EHBP1: variants seen among roughly 807,000 people sequenced by gnomAD.
EHBP1 encodes the protein EH domain-binding protein 1.
In EHBP1, 55 loss-of-function variants were observed where a neutral mutation model predicts 144.0. The observed-to-expected ratio is 0.38, with a 90% CI of 0.31 to 0.48. The LOEUF (loss-of-function observed/expected upper bound fraction) is 0.48, where lower values mean the gene tolerates loss of function less well. EHBP1 is among the 20% of genes least tolerant of loss of function. EHBP1 has a pLI of 0.98. For missense variants in EHBP1, 1,200 were observed against 1,364.2 expected, an observed-to-expected ratio of 0.88 and a Z score of 1.90; for synonymous variants, 469 against 472.7, an observed-to-expected ratio of 0.99 and a Z score of 0.10.
rs193142843 is a variant in EHBP1, at chr2:63,031,577, G to A, written c.3104-5958G>A. Among the ~76,000 whole-genome samples the A allele has an allele frequency of 5.1e-3, 778 of 152,196 alleles. 2 individuals are homozygous for A. Among genetic ancestry groups the A allele is most frequent in the Admixed American group, 8.6e-3 (131 of 15,294 alleles). On this transcript the variant is annotated intron_variant, in intron 19 of 22. Transcript: ENST00000431489. ...GAAATGTGAGTCATTTACCTTTAAA[G>A]GCTCTTAGCAATAAAAAGTTATGGA... is the stretch of plus-strand genomic sequence containing the variant.
chr2:62,951,449 A>C (rs2057375624), intron 13 of EHBP1, among the ~76,000 whole-genome samples: 1 of 151,366 alleles, frequency 6.6e-6, no homozygotes, highest in Non-Finnish European at 1.5e-5. Flanking sequence ...GTAGATAATC[A>C]ATAAACATCT....
At chr2:62,963,232 C>G (rs1291026108) in intron 14 of EHBP1, among the ~76,000 whole-genome samples, 2 of 152,042 alleles carry the variant, frequency 1.3e-5, no homozygotes, top group Admixed American at 6.6e-5. Context: ...CAAATTAAAC[C>G]TTTGACGGGT....
intron 5 of EHBP1, among the ~76,000 whole-genome samples, chr2:62,779,694 G>A (rs1423928454): frequency 2.6e-5 from 4 of 151,884 alleles, no homozygotes; most frequent in South Asian, 2.1e-4. Flanking sequence ...TAAATATTTC[G>A]GAAATTTGAA....
At chr2:62,979,436 A>G in intron 15 of EHBP1, 101 bp downstream of exon 15, 10 of 1,299,870 alleles carry the variant, frequency 7.7e-6, no homozygotes, top group South Asian at 3.3e-5. Flanking sequence ...CTTCAAAAAT[A>G]TAAAGCTTCT....
At position 62,874,524 on chromosome 2, in the gene EHBP1, T is replaced by G; in HGVS notation, c.1177T>G (p.Ser393Ala). Reference protein sequence around the residue: ...TVSAGKDLSTSPKPSPIPSPV... With the variant: ...TVSAGKDLSTAPKPSPIPSPV... Reference sequence around the variant, plus strand: ...TTCTGCAGGAAAAGATCTCTCTACTTCTCCTAAGGTAGGATTTTATTCATA... The same window carrying G: ...TTCTGCAGGAAAAGATCTCTCTACTGCTCCTAAGGTAGGATTTTATTCATA... Residue 393 changes from serine (S) to alanine (A), a missense_variant, in exon 10 of 23, where the codon TCT becomes GCT. Ser to Ala is a moderately conservative substitution (Grantham distance 99). Coordinates refer to ENST00000431489, the MANE Select transcript of EHBP1 (RefSeq NM_001142616.3). 1.3e-6 allele frequency: 2 copies of G among 1,595,188 alleles called. No homozygotes were observed. The highest frequency in any genetic ancestry group is 1.7e-6 in the Non-Finnish European group (2 of 1,172,084).
intron 5 of EHBP1, among the ~76,000 whole-genome samples, chr2:62,808,372 G>T (rs1317885238): frequency 6.6e-6 from 1 of 151,596 alleles, no homozygotes; most frequent in Non-Finnish European, 1.5e-5. Flanking sequence ...CTGTTCTTGA[G>T]ATCAGAGACT....
chr2:62,735,227 A>C (rs1185510045), intron 2 of EHBP1, among the ~76,000 whole-genome samples: 1 of 151,388 alleles, frequency 6.6e-6, no homozygotes, highest in Admixed American at 6.6e-5. Flanking sequence ...ATTTTATATG[A>C]TTCCATTTTC....
chr2:62,823,544 C>A (rs2152576262), intron 5 of EHBP1, among the ~76,000 whole-genome samples: 1 of 152,112 alleles, frequency 6.6e-6, no homozygotes, highest in African/African-American at 2.4e-5. Flanking sequence ...TGTTTGAGTG[C>A]AGTTATTTCA....
intron 5 of EHBP1, among the ~76,000 whole-genome samples, chr2:62,779,693 C>T (rs942725314): frequency 2.6e-5 from 4 of 152,058 alleles, no homozygotes; most frequent in East Asian, 1.9e-4. Flanking sequence ...CTAAATATTT[C>T]GGAAATTTGA....
intron 10 of EHBP1, among the ~76,000 whole-genome samples, chr2:62,888,503 T>C (rs1195496695): frequency 6.6e-6 from 1 of 152,252 alleles, no homozygotes; most frequent in East Asian, 1.9e-4. Context: ...AAAGTGCCTG[T>C]CACAGTTTTC....
At chr2:62,682,580 G>A (rs775498071) in intron 1 of EHBP1, among the ~76,000 whole-genome samples, 3 of 152,164 alleles carry the variant, frequency 2.0e-5, no homozygotes, top group African/African-American at 7.2e-5. Context: ...TTTGCAGATA[G>A]CATGTGATAA....
chr2:62,729,342 AAT>A lies in EHBP1; in HGVS notation c.105-18045_105-18044del, dbSNP rs568138521. 2.3e-3 allele frequency among the ~76,000 whole-genome samples: 301 copies of A among 128,476 alleles called. 1 individual carries two copies. The highest frequency in any genetic ancestry group is 6.2e-3 in the African/African-American group (213 of 34,088). 84.3% of individuals were successfully genotyped at this position (128,476 alleles called of 152,430 possible). On this transcript the variant is annotated intron_variant, in intron 2 of 22. Coordinates refer to ENST00000431489, the MANE Select transcript of EHBP1 (RefSeq NM_001142616.3). Reference sequence around the variant, plus strand: ...ATTTATAATATAATATAATATATATAATATATATAATAATAAATATAATATAA... The same window carrying A: ...ATTTATAATATAATATAATATATATAATATATAATAATAAATATAATATAA...
chr2:62,815,937 T>G (rs2045410683), intron 5 of EHBP1, among the ~76,000 whole-genome samples: 1 of 152,236 alleles, frequency 6.6e-6, no homozygotes, highest in South Asian at 2.1e-4. Context: ...TCATTCAGTA[T>G]GCATGATAGA....
chr2:62,952,935 A>G (rs1260063220), intron 13 of EHBP1, among the ~76,000 whole-genome samples: 2 of 152,034 alleles, frequency 1.3e-5, no homozygotes, highest in Non-Finnish European at 2.9e-5. Flanking sequence ...ATTGTATAAT[A>G]TGGCCGGGTA....
At chr2:62,738,829 T>C (rs1008136857) in intron 2 of EHBP1, among the ~76,000 whole-genome samples, 3 of 152,246 alleles carry the variant, frequency 2.0e-5, no homozygotes, top group Admixed American at 6.5e-5. Context: ...GTATTTTTCA[T>C]GAGTGTAATG....
intron 10 of EHBP1, among the ~76,000 whole-genome samples, chr2:62,926,884 C>T (rs1038119369): frequency 1.3e-5 from 2 of 152,090 alleles, no homozygotes; most frequent in African/African-American, 2.4e-5. Flanking sequence ...GAGATATCTA[C>T]ACCCCCGTGT....
intron 7 of EHBP1, among the ~76,000 whole-genome samples, chr2:62,838,162 A>C (rs2047454027): frequency 6.6e-6 from 1 of 151,882 alleles, no homozygotes; most frequent in Non-Finnish European, 1.5e-5. Flanking sequence ...AGTGCAATCA[A>C]ACTAGAACTC....
At chr2:62,688,829 A>AC (rs1280818137) in intron 1 of EHBP1, among the ~76,000 whole-genome samples, 1 of 152,088 alleles carries the variant, frequency 6.6e-6, no homozygotes, top group Non-Finnish European at 1.5e-5. Context: ...AAATGAGATC[A>AC]TTTTTTTCAT....
chr2:62,870,892 C>T (rs1454534141), intron 9 of EHBP1, among the ~76,000 whole-genome samples: 1 of 151,600 alleles, frequency 6.6e-6, no homozygotes, highest in African/African-American at 2.4e-5. Context: ...CTGGGTATGG[C>T]TAGGTTTTGA....
Sources: gnomAD v4.1 joint callset for allele counts (sites outside exome capture counted in the v4.1 genomes callset) on GRCh38, gnomAD v4.1.1 for gene constraint, MANE v1.5 for transcripts, NCBI Gene and HGNC (gene_info 2026-07-23, HGNC 2026-07-21) for gene names.